BRINP3: variants seen among roughly 807,000 people sequenced by gnomAD.
BRINP3 encodes BMP/retinoic acid inducible neural specific 3, also known as BMP/retinoic acid-inducible neural-specific protein 3.
Under a neutral mutation model 71.0 loss-of-function variants are expected in BRINP3, and 19 were observed. The ratio of observed to expected loss-of-function variants is 0.27; its 90% CI spans 0.19 to 0.39. The LOEUF (loss-of-function observed/expected upper bound fraction) is 0.39, where lower values mean the gene tolerates loss of function less well. Ranked by LOEUF, BRINP3 falls within the 10% of genes least tolerant of loss-of-function variation. The pLI is 1.00. For synonymous variants in BRINP3, 380 were observed against 337.7 expected, an observed-to-expected ratio of 1.13 and a Z score of -1.37; for missense variants, 959 against 940.8, an observed-to-expected ratio of 1.02 and a Z score of -0.25.
At chr1:190,246,955 A>G (rs1353460966) in intron 4 of BRINP3, among the ~76,000 whole-genome samples, 2 of 152,144 alleles carry the variant, frequency 1.3e-5, no homozygotes, top group South Asian at 4.1e-4. Flanking sequence ...AATGAAAATT[A>G]TGAAGTCTCT....
intron 2 of BRINP3, among the ~76,000 whole-genome samples, chr1:190,292,941 T>C (rs1228794036): frequency 1.1e-4 from 17 of 152,080 alleles, no homozygotes; most frequent in Admixed American, 1.1e-3. Flanking sequence ...TCTTCCTTCT[T>C]ATACTAGATA....
intron 2 of BRINP3, among the ~76,000 whole-genome samples, chr1:190,327,320 A>C (rs1279881653): frequency 1.6e-5 from 2 of 125,514 alleles, no homozygotes; most frequent in African/African-American, 6.4e-5. Context: ...ATCTCAAAAA[A>C]AAGAACAAAA....
At chr1:190,274,068 G>C (rs1168189484) in intron 3 of BRINP3, among the ~76,000 whole-genome samples, 1 of 151,528 alleles carries the variant, frequency 6.6e-6, no homozygotes, top group Non-Finnish European at 1.5e-5. Flanking sequence ...AGTTTGGACA[G>C]TCATCACAAA....
chr1:190,127,333 A>C (rs1385866880), intron 7 of BRINP3, among the ~76,000 whole-genome samples: 1 of 151,884 alleles, frequency 6.6e-6, no homozygotes, highest in African/African-American at 2.4e-5. Context: ...ATAATTTGAA[A>C]TATTAAAGTG....
chr1:190,350,646 A>G (rs562429527), intron 2 of BRINP3, among the ~76,000 whole-genome samples: 1 of 152,186 alleles, frequency 6.6e-6, no homozygotes, highest in East Asian at 2.0e-4. Flanking sequence ...GCTATGCCTA[A>G]TCTAAATCTA....
rs924781125 is a variant in BRINP3 at position 190,260,405 on chromosome 1, G to T, written c.618+4460C>A. ...ATGTTTAAATACATTAAAACACTAT[G>T]TTGTACACCCTAAATATATACAATC... On this transcript the variant is annotated intron_variant, in intron 4 of 7. Transcript: ENST00000367462. Among the ~76,000 whole-genome samples the T allele has an allele frequency of 3.3e-5, 5 of 152,138 alleles. No homozygotes were observed. The East Asian group carries it at 9.7e-4, about 29-fold the overall frequency.
intron 2 of BRINP3, among the ~76,000 whole-genome samples, chr1:190,392,147 A>C (rs1309292225): frequency 1.3e-5 from 2 of 151,824 alleles, no homozygotes; most frequent in Admixed American, 1.3e-4. Context: ...CTCCCTTTAA[A>C]AATAGGCTTT....
At chr1:190,296,181 G>A (rs992003961) in intron 2 of BRINP3, among the ~76,000 whole-genome samples, 11 of 150,266 alleles carry the variant, frequency 7.3e-5, no homozygotes, top group African/African-American at 2.4e-4. Context: ...ACAGTTTCAT[G>A]TTATATTTAA....
chr1:190,321,802 A>G (rs1293951630), intron 2 of BRINP3, among the ~76,000 whole-genome samples: 1 of 152,108 alleles, frequency 6.6e-6, no homozygotes, highest in East Asian at 1.9e-4. Flanking sequence ...ATTTAAATAT[A>G]GTTGGTTTTT....
intron 4 of BRINP3, among the ~76,000 whole-genome samples, chr1:190,250,687 G>A (rs541517194): frequency 5.3e-5 from 8 of 152,038 alleles, no homozygotes; most frequent in East Asian, 1.9e-4. Context: ...AGATAGTATC[G>A]TAAGAATTTA....
intron 2 of BRINP3, among the ~76,000 whole-genome samples, chr1:190,302,153 C>T (rs1472181655): frequency 2.0e-5 from 3 of 150,696 alleles, no homozygotes; most frequent in Admixed American, 6.6e-5. Context: ...GCAAATGACA[C>T]ATTATTATTC....
intron 7 of BRINP3, among the ~76,000 whole-genome samples, chr1:190,157,783 G>A (rs1385518836): frequency 6.6e-6 from 1 of 151,970 alleles, no homozygotes; most frequent in African/African-American, 2.4e-5. Flanking sequence ...ATAAAATAAT[G>A]ATTTATAGCA....
chr1:190,300,342 C>T (rs968382572), intron 2 of BRINP3, among the ~76,000 whole-genome samples: 4 of 152,082 alleles, frequency 2.6e-5, no homozygotes, highest in South Asian at 2.1e-4. Context: ...TTGATCGCAT[C>T]GGCTCCTGAG....
intron 2 of BRINP3, among the ~76,000 whole-genome samples, chr1:190,323,496 T>C (rs1002510785): frequency 1.3e-5 from 2 of 151,822 alleles, no homozygotes; most frequent in African/African-American, 4.8e-5. Context: ...AGGAATGAAG[T>C]GCATTGTACC....
At chr1:190,347,691 T>C (rs888551726) in intron 2 of BRINP3, among the ~76,000 whole-genome samples, 4 of 152,262 alleles carry the variant, frequency 2.6e-5, no homozygotes, top group Admixed American at 6.5e-5. Context: ...TACTCACTAA[T>C]GCTATAAATT....
intron 6 of BRINP3, among the ~76,000 whole-genome samples, chr1:190,175,320 T>C (rs1188338513): frequency 2.6e-5 from 4 of 152,176 alleles, no homozygotes; most frequent in Non-Finnish European, 5.9e-5. Flanking sequence ...TTCACTATTG[T>C]GCAAACATTA....
At chr1:190,315,092 C>A (rs1571723506) in intron 2 of BRINP3, among the ~76,000 whole-genome samples, 1 of 151,940 alleles carries the variant, frequency 6.6e-6, no homozygotes, top group African/African-American at 2.4e-5. Flanking sequence ...GACTGAAGGG[C>A]ATATTAACAA....
At chr1:190,368,024 T>G (rs529640861) in intron 2 of BRINP3, among the ~76,000 whole-genome samples, 1 of 152,274 alleles carries the variant, frequency 6.6e-6, no homozygotes, top group Non-Finnish European at 1.5e-5. Context: ...CCAAAGTTAC[T>G]TCTACATTTT....
intron 6 of BRINP3, among the ~76,000 whole-genome samples, chr1:190,223,910 A>C (rs903832171): frequency 6.6e-5 from 10 of 151,884 alleles, no homozygotes; most frequent in African/African-American, 2.4e-4. Context: ...AACTGTATAA[A>C]ATACCTCAAA....
Sources: allele counts gnomAD v4.1 joint callset (sites outside exome capture counted in the v4.1 genomes callset), GRCh38; gene constraint gnomAD v4.1.1; transcripts MANE v1.5; gene names NCBI Gene and HGNC (gene_info 2026-07-23, HGNC 2026-07-21).